The following ZNF254 variants were observed in gnomAD, a reference collection of about 807,000 sequenced individuals.
The protein encoded by ZNF254 is zinc finger protein 254.
Under a neutral mutation model 12.4 loss-of-function variants are expected in ZNF254, and 10 were observed. That is an observed-to-expected ratio of 0.80 (90% CI 0.50 to 1.36). ZNF254 has a LOEUF of 1.36. Ranked by LOEUF, ZNF254 falls within the 40% of genes most tolerant of loss-of-function variation. The probability of loss-of-function intolerance (pLI) is 0.00; values close to 1 mark genes in which losing one functional copy is unlikely to be tolerated. For synonymous variants in ZNF254, 305 were observed against 253.4 expected (o/e 1.20, Z -1.93); for missense variants, 996 against 763.9 (o/e 1.30, Z -3.58).
At chr19:24,042,496 C>A (rs1167711205) in intron 1 of ZNF254, among the ~76,000 whole-genome samples, 1 of 152,148 alleles carries the variant, frequency 6.6e-6, no homozygotes, top group African/African-American at 2.4e-5. Flanking sequence ...AGAGCTGTAA[C>A]ACTCACCGTG....
chr19:24,065,300 T>C (rs1971229829), intron 2 of ZNF254, among the ~76,000 whole-genome samples: 1 of 152,212 alleles, frequency 6.6e-6, no homozygotes, highest in African/African-American at 2.4e-5. Flanking sequence ...GTGATCATAC[T>C]CTTCTTCCTA....
rs1285793019 is a variant in ZNF254, at chr19:24,129,266, A to C, written c.*1286A>C. 1 of 152,072 alleles carries C rather than the reference A, an allele frequency of 6.6e-6. No homozygotes were observed. Among genetic ancestry groups the C allele is most frequent in the Non-Finnish European group, 1.5e-5 (1 of 67,932 alleles). 9.4% of individuals were successfully genotyped at this position (152,072 alleles called of 1,614,324 possible). ...TTTATTAATTGTACTTCTATGAAAT[A>C]ATATGCAGTCTATTTTTAAATTATA... On this transcript the variant is annotated 3_prime_UTR_variant, in exon 4 of 4. Transcript: ENST00000357002.
chr19:24,093,194 C>T lies in ZNF254; in HGVS notation c.30+5857C>T, dbSNP rs116715746. Among the ~76,000 whole-genome samples, 810 of 151,928 alleles carry T rather than the reference C, an allele frequency of 5.3e-3. 7 individuals carry two copies. Among genetic ancestry groups the T allele is most frequent in the African/African-American group, 0.019 (783 of 41,446 alleles). On this transcript the variant is annotated intron_variant, in intron 1 of 3. Transcript: ENST00000357002. Reference sequence around the variant, plus strand: ...TTTTTATGAATTCTGGACATTAGACCTTTGTTAGAAGCATAGTTTGCAAAT... The same window carrying T: ...TTTTTATGAATTCTGGACATTAGACTTTTGTTAGAAGCATAGTTTGCAAAT...
intron 1 of ZNF254, chr19:24,099,012 T>TTTTTC (rs1972840485): frequency 2.8e-5 from 4 of 142,646 alleles, no homozygotes; most frequent in African/African-American, 1.1e-4. Context: ...TTTTTTTTTT[T>TTTTTC]TTTTGAGACA....
intron 2 of ZNF254, among the ~76,000 whole-genome samples, chr19:24,052,833 C>CT (rs1568428354): frequency 6.6e-6 from 1 of 152,164 alleles, no homozygotes; most frequent in African/African-American, 2.4e-5. Flanking sequence ...CAATATGACT[C>CT]TCATACCTCT....
intron 1 of ZNF254, chr19:24,104,879 A>G (rs1973242022): frequency 6.6e-6 from 1 of 152,240 alleles, no homozygotes; most frequent in African/African-American, 2.4e-5. Flanking sequence ...ACAGGATGGC[A>G]TTTATTACCC....
intron 2 of ZNF254, among the ~76,000 whole-genome samples, chr19:24,068,194 A>G (rs1022626823): frequency 6.6e-6 from 1 of 152,108 alleles, no homozygotes; most frequent in Non-Finnish European, 1.5e-5. Context: ...CACTGGGATC[A>G]GCCACCAGGT....
intron 3 of ZNF254, among the ~76,000 whole-genome samples, chr19:24,119,731 A>G (rs1209340044): frequency 1.3e-5 from 2 of 151,962 alleles, no homozygotes; most frequent in African/African-American, 2.4e-5. Flanking sequence ...GATCCAGTGA[A>G]CACCCCACTT....
At chr19:24,116,187 T>A (rs1392177586) in intron 3 of ZNF254, among the ~76,000 whole-genome samples, 2 of 152,130 alleles carry the variant, frequency 1.3e-5, no homozygotes, top group African/African-American at 4.8e-5. Context: ...GAGTTGCTCT[T>A]CTCGAGAAGT....
chr19:24,112,514 G>A (rs1449697511), intron 3 of ZNF254, among the ~76,000 whole-genome samples: 2 of 149,702 alleles, frequency 1.3e-5, no homozygotes, highest in Non-Finnish European at 3.0e-5. Context: ...GATGGGGATG[G>A]CATTGAATCT....
upstream of ZNF254, among the ~76,000 whole-genome samples, chr19:24,083,120 G>A (rs1013294814): frequency 2.0e-5 from 3 of 152,058 alleles, no homozygotes; most frequent in African/African-American, 7.2e-5. Context: ...TAAAGTTTTA[G>A]GATACAAAAT....
chr19:24,105,781 T>A, intron 1 of ZNF254, 159 bp from the exon 2 acceptor site: 1 of 1,211,334 alleles, frequency 8.3e-7, no homozygotes, highest in Non-Finnish European at 1.1e-6. Flanking sequence ...AGAGAATACA[T>A]TAGAAAATGT....
chr19:24,118,331 C>T (rs975684974), intron 3 of ZNF254, among the ~76,000 whole-genome samples: 1 of 152,174 alleles, frequency 6.6e-6, no homozygotes, highest in Middle Eastern at 3.4e-3. Flanking sequence ...GGATTACAGG[C>T]GTGAGCCACC....
At chr19:24,118,743 G>A (rs1974278244) in intron 3 of ZNF254, among the ~76,000 whole-genome samples, 1 of 151,960 alleles carries the variant, frequency 6.6e-6, no homozygotes, top group South Asian at 2.1e-4. Context: ...TGTTGCTTAT[G>A]CATTTAATGT....
Position 24,087,277 on chromosome 19 carries a change from T to G in ZNF254, c.-31T>G. 2 of 1,612,984 alleles carry G rather than the reference T, an allele frequency of 1.2e-6. No individual in the cohort carries two copies. The highest frequency in any genetic ancestry group is 1.7e-6 in the Non-Finnish European group (2 of 1,179,364). On this transcript the variant is annotated 5_prime_UTR_variant, in exon 1 of 4. Transcript: ENST00000357002. ...AGAGGCCCAGCCTCTGTGGCGCTGT[T>G]ACCAGCAGGTATTGGAGATCCACAG...
At chr19:24,106,102 A>T in intron 2 of ZNF254, 36 bp downstream of exon 2, 11 of 1,530,204 alleles carry the variant, frequency 7.2e-6, no homozygotes, top group Non-Finnish European at 9.6e-6. Context: ...CCTCACATAA[A>T]CTAAAGCTTT....
chr19:24,090,073 C>T (rs1478179354), intron 1 of ZNF254, among the ~76,000 whole-genome samples: 1 of 151,408 alleles, frequency 6.6e-6, no homozygotes, highest in African/African-American at 2.4e-5. Context: ...TGGTACAGGC[C>T]TGTAATCGCA....
chr19:24,049,982 T>C (rs1359091451), intron 2 of ZNF254, among the ~76,000 whole-genome samples: 2 of 151,920 alleles, frequency 1.3e-5, no homozygotes, highest in Non-Finnish European at 2.9e-5. Context: ...CTGGGCCTAA[T>C]ACTAGGGTGA....
At chr19:24,098,107 A>T (rs1036391235) in intron 1 of ZNF254, among the ~76,000 whole-genome samples, 1 of 152,222 alleles carries the variant, frequency 6.6e-6, no homozygotes. Flanking sequence ...GAAAATGTTT[A>T]AAAATTCCAC....
Sources: allele counts gnomAD v4.1 joint callset (sites outside exome capture counted in the v4.1 genomes callset), GRCh38; gene constraint gnomAD v4.1.1; transcripts MANE v1.5; gene names NCBI Gene and HGNC (gene_info 2026-07-23, HGNC 2026-07-21).